The following HDDC2 variants were observed in gnomAD, a reference collection of about 807,000 sequenced individuals.
The protein encoded by HDDC2 is 5'-deoxynucleotidase HDDC2.
A neutral mutation model predicts 25.5 loss-of-function variants in HDDC2; 25 were observed. The ratio of observed to expected loss-of-function variants is 0.98; its 90% CI spans 0.72 to 1.37. HDDC2 has a LOEUF of 1.37. Among genes scored for constraint, HDDC2 ranks in the 40% most tolerant of loss-of-function variants. The pLI, the probability that HDDC2 is intolerant of heterozygous loss-of-function variation, is 0.00. For synonymous variants in HDDC2, 106 were observed against 89.7 expected, an observed-to-expected ratio of 1.18 and a Z score of -1.03; for missense variants, 264 against 253.1, an observed-to-expected ratio of 1.04 and a Z score of -0.29.
intron 4 of HDDC2, among the ~76,000 whole-genome samples, chr6:125,281,552 C>T (rs182320382): frequency 8.5e-4 from 130 of 152,198 alleles, no homozygotes; most frequent in Non-Finnish European, 1.4e-3. Flanking sequence ...ATGAGAACTT[C>T]GTGAAGCACA....
At position 125,292,874 on chromosome 6, in the gene HDDC2, C is replaced by G. The variant is rs1798651961; in HGVS notation, c.345G>C (p.Glu115Asp). The change falls in exon 4 of 6, where the codon GAG becomes GAC. Residue 115 changes from glutamate (E) to aspartate (D), a missense_variant. Coordinates refer to ENST00000398153, the MANE Select transcript of HDDC2 (RefSeq NM_016063.3). Reference sequence around the variant, plus strand: ...GTTCATAGAGCTCCTTTCTGAGGTCCTCTGGTAGGAGCTGGGTTATCTGCT... The same window carrying G: ...GTTCATAGAGCTCCTTTCTGAGGTCGTCTGGTAGGAGCTGGGTTATCTGCT... Reference protein sequence around the residue: ...AMKQITQLLPEDLRKELYELW... With the variant: ...AMKQITQLLPDDLRKELYELW... 6.2e-7 allele frequency: 1 copy of G among 1,613,018 alleles called. No individual in the cohort carries two copies. Among genetic ancestry groups the G allele is most frequent in the Admixed American group, 1.7e-5 (1 of 59,994 alleles).
At chr6:125,285,150 A>G (rs1798511825) in intron 4 of HDDC2, among the ~76,000 whole-genome samples, 1 of 114,694 alleles carries the variant, frequency 8.7e-6, no homozygotes, top group Non-Finnish European at 1.7e-5. Flanking sequence ...AACATCACAC[A>G]CTGGGGCCTG....
intron 4 of HDDC2, among the ~76,000 whole-genome samples, chr6:125,281,320 C>T (rs1196227065): frequency 2.0e-5 from 3 of 152,086 alleles, no homozygotes; most frequent in Non-Finnish European, 1.5e-5. Flanking sequence ...ATCACAATTC[C>T]TTACCAGCAA....
chr6:125,298,199 T>C (rs1411736276), intron 3 of HDDC2, among the ~76,000 whole-genome samples: 5 of 151,364 alleles, frequency 3.3e-5, no homozygotes, highest in African/African-American at 1.2e-4. Flanking sequence ...AATATTCCCA[T>C]GTAACAAATC....
chr6:125,301,944 C>G lies in HDDC2; in HGVS notation c.-12G>C, dbSNP rs779791095. The G allele has an allele frequency of 6.5e-7, 1 of 1,546,182 alleles. No individual in the cohort carries two copies. The highest frequency in any genetic ancestry group is 8.7e-7 in the Non-Finnish European group (1 of 1,147,296). On this transcript the variant is annotated 5_prime_UTR_variant, in exon 1 of 6. Transcript: ENST00000398153. ...GAGACCGAAGCCATGCGGCCACCGA[C>G]CCCGGCTGGGCGGAGCAGGCCGCGG... is the stretch of plus-strand genomic sequence containing the variant.
At chr6:125,284,178 A>G (rs1334483839) in intron 4 of HDDC2, among the ~76,000 whole-genome samples, 2 of 152,254 alleles carry the variant, frequency 1.3e-5, no homozygotes, top group Non-Finnish European at 2.9e-5. Flanking sequence ...TGGATTAAAG[A>G]TTTAAACGTA....
At chr6:125,276,291 G>A in intron 5 of HDDC2, 48 bp from the exon 6 acceptor site, 4 of 1,379,730 alleles carry the variant, frequency 2.9e-6, no homozygotes, top group Non-Finnish European at 4.1e-6. Context: ...ATTGACAAGA[G>A]AGTATATTCA....
At chr6:125,293,487 A>C (rs761601665) in intron 3 of HDDC2, among the ~76,000 whole-genome samples, 5 of 152,198 alleles carry the variant, frequency 3.3e-5, no homozygotes, top group Non-Finnish European at 4.4e-5. Flanking sequence ...CTGAAAAGGG[A>C]TATTAAACGG....
At chr6:125,300,866 C>G (rs1417318179) in intron 1 of HDDC2, among the ~76,000 whole-genome samples, 1 of 151,082 alleles carries the variant, frequency 6.6e-6, no homozygotes. Context: ...GGGTAGAAGA[C>G]AGAGAGAGAT....
Position 125,290,107 on chromosome 6 carries a change from C to T in HDDC2, c.378+2734G>A, listed in dbSNP as rs116955518. Among the ~76,000 whole-genome samples the T allele has an allele frequency of 1.4e-3, 209 of 152,220 alleles. 2 individuals are homozygous for T. Among genetic ancestry groups the T allele is most frequent in the Middle Eastern group, 0.01 (3 of 294 alleles). ...TGTAATTAGCATTTCTAAAACCAAT[C>T]AACTGTCATTTTCTATGTAACTAAT... is the stretch of plus-strand genomic sequence containing the variant. On this transcript the variant is annotated intron_variant, in intron 4 of 5. Transcript: ENST00000398153.
rs1324609817 is a variant in HDDC2 at position 125,277,094 on chromosome 6, T to C, written c.517+8A>G. ...AAATGGACTCTTGTTGAAAATGGTG[T>C]TGAGTACCTGCTGTGGAATCATAGA... On this transcript the variant is annotated splice_region_variant and intron_variant, in intron 5 of 5. Transcript: ENST00000398153. 4 of 1,613,800 alleles carry C rather than the reference T, an allele frequency of 2.5e-6. No individual in the cohort carries two copies. The South Asian group carries it at 3.3e-5, about 13-fold the overall frequency.
At chr6:125,298,837 G>T (rs762924063) in intron 2 of HDDC2, 21 bp from the exon 3 acceptor site, 1 of 1,510,694 alleles carries the variant, frequency 6.6e-7, no homozygotes, top group Non-Finnish European at 9.2e-7. Context: ...AAGAAATGTC[G>T]AATAATTACA....
intron 5 of HDDC2, chr6:125,276,467 T>C: frequency 1.9e-6 from 1 of 535,522 alleles, no homozygotes; most frequent in Non-Finnish European, 3.3e-6. Context: ...AGGATGAGAC[T>C]CAGGCAAGGA....
intron 4 of HDDC2, among the ~76,000 whole-genome samples, chr6:125,282,144 G>A (rs1337503952): frequency 3.3e-5 from 5 of 152,002 alleles, no homozygotes; most frequent in Non-Finnish European, 7.4e-5. Context: ...TCAGGAGTTC[G>A]AGACCAGCCT....
At chr6:125,284,296 A>T (rs1798501129) in intron 4 of HDDC2, among the ~76,000 whole-genome samples, 1 of 152,230 alleles carries the variant, frequency 6.6e-6, no homozygotes, top group Non-Finnish European at 1.5e-5. Flanking sequence ...TTGCAACAAA[A>T]GCCAAAATTG....
At chr6:125,276,608 T>G (rs1426460779) in intron 5 of HDDC2, 1 of 274,200 alleles carries the variant, frequency 3.6e-6, no homozygotes, top group East Asian at 8.4e-5. Flanking sequence ...AACCTGCAAT[T>G]AAGTAAGGAG....
chr6:125,289,658 T>A (rs1798601384), intron 4 of HDDC2, among the ~76,000 whole-genome samples: 1 of 152,164 alleles, frequency 6.6e-6, no homozygotes, highest in Admixed American at 6.5e-5. Flanking sequence ...CTGGGGTCCT[T>A]ATGCTGCTCT....
chr6:125,296,362 C>T (rs542063525), intron 3 of HDDC2, among the ~76,000 whole-genome samples: 12 of 152,228 alleles, frequency 7.9e-5, no homozygotes, highest in African/African-American at 2.9e-4. Context: ...TTTTCTCCCT[C>T]CTACTTTAGT....
chr6:125,300,904 T>C (rs2273563), intron 1 of HDDC2, among the ~76,000 whole-genome samples: 3,010 of 88,372 alleles, frequency 0.034, 89 homozygotes, highest in African/African-American at 0.22. Flanking sequence ...CGTCAAATTA[T>C]TCTGTTACTG....
Sources: allele counts gnomAD v4.1 joint callset (sites outside exome capture counted in the v4.1 genomes callset), GRCh38; gene constraint gnomAD v4.1.1; transcripts MANE v1.5; gene names NCBI Gene and HGNC (gene_info 2026-07-23, HGNC 2026-07-21).